FAM171A1: variants seen among roughly 807,000 people sequenced by gnomAD.
FAM171A1 encodes protein FAM171A1.
FAM171A1 carries 23 observed loss-of-function variants against 74.9 expected under a neutral mutation model. The observed-to-expected ratio is 0.31, with a 90% confidence interval of 0.22 to 0.44. FAM171A1 has a LOEUF of 0.44. FAM171A1 is among the 20% of genes least tolerant of loss of function. The probability of loss-of-function intolerance (pLI) is 1.00; values close to 1 mark genes in which losing one functional copy is unlikely to be tolerated. For synonymous variants in FAM171A1, 527 were observed against 505.7 expected (o/e 1.04, Z -0.57); for missense variants, 1,162 against 1,159.2 (o/e 1.00, Z -0.03).
At chr10:15,219,550 C>G (rs1834009683) in intron 6 of FAM171A1, among the ~76,000 whole-genome samples, 1 of 152,158 alleles carries the variant, frequency 6.6e-6, no homozygotes, top group Non-Finnish European at 1.5e-5. Flanking sequence ...TATATCACTA[C>G]AAAAACAATA....
At chr10:15,361,951 A>G (rs1588572237) in intron 1 of FAM171A1, among the ~76,000 whole-genome samples, 1 of 152,344 alleles carries the variant, frequency 6.6e-6, no homozygotes, top group East Asian at 1.9e-4. Flanking sequence ...GATTAAAACA[A>G]GGCAAACAAA....
At chr10:15,295,705 G>T (rs1402417305) in intron 1 of FAM171A1, among the ~76,000 whole-genome samples, 1 of 152,100 alleles carries the variant, frequency 6.6e-6, no homozygotes, top group African/African-American at 2.4e-5. Flanking sequence ...CATTTTATGG[G>T]CTGGCCACTG....
chr10:15,340,886 T>C lies in FAM171A1; in HGVS notation c.97+30070A>G, dbSNP rs556358965. Among the ~76,000 whole-genome samples, 3 of 152,130 alleles carry C rather than the reference T, an allele frequency of 2.0e-5. No homozygotes were observed. The South Asian group carries it at 6.2e-4, about 32-fold the overall frequency. ...CTCAGGAGTTTGACAATTGAGATGATGGGCTACACCAACAAGGGTGTGAGA... is the reference window on the plus strand; with the variant it reads ...CTCAGGAGTTTGACAATTGAGATGACGGGCTACACCAACAAGGGTGTGAGA... On this transcript the variant is annotated intron_variant, in intron 1 of 7. Transcript: ENST00000378116.
At chr10:15,326,913 C>T (rs998905679) in intron 1 of FAM171A1, among the ~76,000 whole-genome samples, 3 of 152,276 alleles carry the variant, frequency 2.0e-5, no homozygotes, top group Admixed American at 2.0e-4. Context: ...CAGGCGTGGC[C>T]CACGACACTC....
upstream of FAM171A1, among the ~76,000 whole-genome samples, chr10:15,372,347 C>T (rs1415678187): frequency 1.3e-5 from 2 of 152,008 alleles, no homozygotes; most frequent in Non-Finnish European, 2.9e-5. Flanking sequence ...GTGGCAGAGC[C>T]AAAATTCTAA....
intron 3 of FAM171A1, among the ~76,000 whole-genome samples, chr10:15,260,009 T>G (rs1333129301): frequency 6.6e-6 from 1 of 152,058 alleles, no homozygotes; most frequent in Non-Finnish European, 1.5e-5. Flanking sequence ...TATTTTTTTG[T>G]AGAGATGAGG....
chr10:15,265,578 GAAAAAAAAAA>G (rs58125400), intron 3 of FAM171A1, among the ~76,000 whole-genome samples: 10 of 37,708 alleles, frequency 2.7e-4, no homozygotes, highest in Non-Finnish European at 3.9e-4. Context: ...TGGTGCCTCT[GAAAAAAAAAA>G]AAAAAAAAAA....
intron 5 of FAM171A1, chr10:15,240,938 G>A (rs1412777813): frequency 1.3e-5 from 2 of 154,080 alleles, no homozygotes; most frequent in Admixed American, 6.6e-5. Context: ...CAGCTACTCA[G>A]GAAGCTGAGG....
At chr10:15,287,948 C>T (rs1835057933) in intron 1 of FAM171A1, among the ~76,000 whole-genome samples, 1 of 152,180 alleles carries the variant, frequency 6.6e-6, no homozygotes, top group Non-Finnish European at 1.5e-5. Flanking sequence ...TCCAAATCCA[C>T]TGTATCATTC....
intron 1 of FAM171A1, among the ~76,000 whole-genome samples, chr10:15,322,007 C>A (rs927908346): frequency 3.6e-4 from 55 of 152,328 alleles, no homozygotes; most frequent in African/African-American, 1.3e-3. Context: ...GTGCTACATT[C>A]TGCAGGAAAT....
chr10:15,289,523 C>T (rs1035712792), intron 1 of FAM171A1, among the ~76,000 whole-genome samples: 7 of 152,116 alleles, frequency 4.6e-5, no homozygotes, highest in Admixed American at 1.3e-4. Flanking sequence ...GAACACTGCC[C>T]TATTTCCAGG....
At chr10:15,360,126 T>A (rs1460140188) in intron 1 of FAM171A1, among the ~76,000 whole-genome samples, 1 of 152,132 alleles carries the variant, frequency 6.6e-6, no homozygotes, top group African/African-American at 2.4e-5. Context: ...AGAGATGAAG[T>A]CCTGCTATGT....
intron 1 of FAM171A1, among the ~76,000 whole-genome samples, chr10:15,308,632 C>T (rs537381807): frequency 1.3e-5 from 2 of 151,918 alleles, no homozygotes; most frequent in South Asian, 4.2e-4. Context: ...GCAACAAGGG[C>T]AAAACTCTGT....
chr10:15,362,500 G>A (rs1836006110), intron 1 of FAM171A1, among the ~76,000 whole-genome samples: 1 of 152,244 alleles, frequency 6.6e-6, no homozygotes. Context: ...GAGGTCAGGA[G>A]TTTGAGACCA....
Position 15,275,947 on chromosome 10 carries a change from A to C in FAM171A1, c.326T>G (p.Val109Gly). Residue 109 changes from valine to glycine, a missense_variant and splice_region_variant, in exon 3 of 8, where the codon GTA (valine) becomes GGA (glycine). Physicochemically the swap from Val to Gly is moderately radical, Grantham distance 109. Coordinates refer to ENST00000378116, the MANE Select transcript of FAM171A1 (RefSeq NM_001010924.2). ...SAPWKPIRLP[V>G]FSSLSLGLLP... is the part of the protein sequence containing the mutation. ...CAGGCCAAGGCTCAGAGAGGAAAAT[A>C]CTGCAGGAAAAAGAAATGGATAGAA... 6.2e-7 allele frequency: 1 copy of C among 1,604,790 alleles called. No individual in the cohort carries two copies. Among genetic ancestry groups the C allele is most frequent in the Non-Finnish European group, 8.5e-7 (1 of 1,174,144 alleles).
At chr10:15,291,404 A>T (rs1376046681) in intron 1 of FAM171A1, among the ~76,000 whole-genome samples, 1 of 152,216 alleles carries the variant, frequency 6.6e-6, no homozygotes, top group Non-Finnish European at 1.5e-5. Flanking sequence ...TAATTTAAAA[A>T]TCGAGCTCCT....
At chr10:15,217,140 T>C (rs1206179158) in intron 6 of FAM171A1, among the ~76,000 whole-genome samples, 1 of 152,246 alleles carries the variant, frequency 6.6e-6, no homozygotes. Flanking sequence ...TAAGTTTATG[T>C]TGTAAAAAAT....
At chr10:15,243,881 G>C (rs1329347956) in intron 5 of FAM171A1, among the ~76,000 whole-genome samples, 1 of 152,102 alleles carries the variant, frequency 6.6e-6, no homozygotes, top group African/African-American at 2.4e-5. Flanking sequence ...CTCCTGAGTA[G>C]CTGGGACTAC....
intron 1 of FAM171A1, among the ~76,000 whole-genome samples, chr10:15,330,537 T>C (rs1835615334): frequency 6.6e-6 from 1 of 152,100 alleles, no homozygotes; most frequent in Non-Finnish European, 1.5e-5. Flanking sequence ...TTAATAAGAT[T>C]GCCCTAATAA....
Sources: allele counts gnomAD v4.1 joint callset (sites outside exome capture counted in the v4.1 genomes callset), GRCh38; gene constraint gnomAD v4.1.1; transcripts MANE v1.5; gene names NCBI Gene and HGNC (gene_info 2026-07-23, HGNC 2026-07-21).